RELN: variants seen among roughly 807,000 people sequenced by gnomAD.
The protein encoded by RELN is reelin.
RELN carries 108 observed loss-of-function variants against 427.6 expected under a neutral mutation model. The observed-to-expected ratio is 0.25, with a 90% CI of 0.22 to 0.30. The LOEUF (loss-of-function observed/expected upper bound fraction) is 0.30, where lower values mean the gene tolerates loss of function less well. Ranked by LOEUF, RELN falls within the 10% of genes least tolerant of loss-of-function variation. RELN has a pLI of 1.00. For missense variants in RELN, 3,715 were observed against 4,302.8 expected (o/e 0.86, Z 3.82); for synonymous variants, 1,524 against 1,513.4 (o/e 1.01, Z -0.16).
chr7:103,622,005 G>C (rs1367156745), intron 20 of RELN, among the ~76,000 whole-genome samples: 1 of 152,136 alleles, frequency 6.6e-6, no homozygotes, highest in Non-Finnish European at 1.5e-5. Flanking sequence ...AACAGTGTGA[G>C]ACTCTGTCTC....
chr7:103,541,090 T>G (rs1830168980), intron 43 of RELN, among the ~76,000 whole-genome samples: 1 of 152,000 alleles, frequency 6.6e-6, no homozygotes, highest in Non-Finnish European at 1.5e-5. Context: ...GGGGTGGTGG[T>G]GGTGGTGGCT....
At chr7:103,801,744 A>T (rs1261303165) in intron 3 of RELN, among the ~76,000 whole-genome samples, 1 of 151,756 alleles carries the variant, frequency 6.6e-6, no homozygotes, top group Non-Finnish European at 1.5e-5. Context: ...AAAAAGTGAC[A>T]ACCTCTCTGT....
intron 3 of RELN, among the ~76,000 whole-genome samples, chr7:103,799,739 C>T (rs1027093269): frequency 6.6e-6 from 1 of 152,104 alleles, no homozygotes; most frequent in Admixed American, 6.6e-5. Flanking sequence ...TATAATTAAG[C>T]GTTCTATTTG....
chr7:103,619,363 C>A (rs1028097474), intron 20 of RELN, among the ~76,000 whole-genome samples: 1 of 152,128 alleles, frequency 6.6e-6, no homozygotes, highest in African/African-American at 2.4e-5. Flanking sequence ...ACGGGAGATT[C>A]TTTCAGAAGC....
intron 2 of RELN, among the ~76,000 whole-genome samples, chr7:103,907,353 T>G (rs1260293372): frequency 1.6e-5 from 2 of 122,958 alleles, no homozygotes; most frequent in Admixed American, 1.1e-4. Flanking sequence ...GAGGTGGAGG[T>G]TGCAATAAGT....
In RELN at chr7:103,472,414, C is replaced by G; in HGVS notation, c.*398G>C. 3.9e-6 allele frequency: 1 copy of G among 256,326 alleles called. No homozygotes were observed. The highest frequency in any genetic ancestry group is 1.5e-3 in the Middle Eastern group (1 of 658). The allele number at this position is 256,326 out of a possible 1,614,324, so 15.9% of individuals were successfully genotyped here. On this transcript the variant is annotated 3_prime_UTR_variant, in exon 65 of 65. Transcript: ENST00000428762. ...TAATCATATAAAACATGAGACATAG[C>G]CGAAATACAGTCCACTTAAATAGCT...
chr7:103,606,075 T>A (rs1359581483), intron 22 of RELN, among the ~76,000 whole-genome samples: 1 of 152,202 alleles, frequency 6.6e-6, no homozygotes, highest in African/African-American at 2.4e-5. Flanking sequence ...ATGCATTATC[T>A]TAGAGCAGAG....
intron 20 of RELN, among the ~76,000 whole-genome samples, chr7:103,621,923 C>T (rs531020480): frequency 2.0e-5 from 3 of 151,960 alleles, no homozygotes; most frequent in South Asian, 4.1e-4. Context: ...GGCTGAGGCA[C>T]GAGAATCACT....
intron 7 of RELN, among the ~76,000 whole-genome samples, chr7:103,724,554 G>C (rs1790158049): frequency 6.6e-6 from 1 of 152,186 alleles, no homozygotes. Flanking sequence ...TGTAATAAAT[G>C]ATGCTTGTGT....
intron 2 of RELN, among the ~76,000 whole-genome samples, chr7:103,883,120 G>C (rs764164446): frequency 6.6e-6 from 1 of 152,060 alleles, no homozygotes; most frequent in Non-Finnish European, 1.5e-5. Flanking sequence ...TGGGACGCAG[G>C]GCTGGTTCAA....
At chr7:103,938,776 T>A (rs1206003625) in intron 1 of RELN, among the ~76,000 whole-genome samples, 2 of 152,290 alleles carry the variant, frequency 1.3e-5, no homozygotes, top group East Asian at 3.9e-4. Context: ...CAATTAAGAC[T>A]CAAATGTCAC....
intron 57 of RELN, among the ~76,000 whole-genome samples, chr7:103,492,398 GTTACTA>G (rs1828703467): frequency 6.6e-6 from 1 of 151,990 alleles, no homozygotes; most frequent in Non-Finnish European, 1.5e-5. Context: ...TTTCTTGATT[GTTACTA>G]TTAAATTTTT....
intron 1 of RELN, among the ~76,000 whole-genome samples, chr7:103,958,046 C>T (rs1034801589): frequency 6.6e-6 from 1 of 152,160 alleles, no homozygotes; most frequent in Non-Finnish European, 1.5e-5. Context: ...CTTTACACTA[C>T]CTGCACCTCA....
chr7:103,762,915 T>C (rs1163145668), intron 4 of RELN, among the ~76,000 whole-genome samples: 1 of 151,920 alleles, frequency 6.6e-6, no homozygotes, highest in African/African-American at 2.4e-5. Flanking sequence ...GGTAGAAAAA[T>C]AATACATGCC....
At chr7:103,901,752 T>C (rs1795089372) in intron 2 of RELN, among the ~76,000 whole-genome samples, 1 of 152,006 alleles carries the variant, frequency 6.6e-6, no homozygotes, top group Non-Finnish European at 1.5e-5. Context: ...GGTGGTAGAA[T>C]TTGGGACTGA....
chr7:103,825,416 C>A (rs1443997850), intron 3 of RELN, among the ~76,000 whole-genome samples: 1 of 152,036 alleles, frequency 6.6e-6, no homozygotes, highest in East Asian at 1.9e-4. Flanking sequence ...AAATAAAAAA[C>A]CATAGAAACT....
chr7:103,825,911 A>G (rs1465004004), intron 3 of RELN, among the ~76,000 whole-genome samples: 8 of 151,992 alleles, frequency 5.3e-5, no homozygotes, highest in Admixed American at 5.2e-4. Context: ...TATGGTTTAA[A>G]TGTGTACCTC....
intron 47 of RELN, 144 bp from the exon 48 acceptor site, chr7:103,522,343 G>T: frequency 1.3e-6 from 1 of 762,268 alleles, no homozygotes; most frequent in Non-Finnish European, 2.2e-6. Context: ...GAATACACCT[G>T]CTCTCCTTAA....
At chr7:103,693,256 A>C (rs1180577452) in intron 10 of RELN, among the ~76,000 whole-genome samples, 1 of 151,358 alleles carries the variant, frequency 6.6e-6, no homozygotes, top group African/African-American at 2.4e-5. Context: ...AGAAAACCAA[A>C]CACCACATGT....
Sources: allele counts gnomAD v4.1 joint callset (sites outside exome capture counted in the v4.1 genomes callset), GRCh38; gene constraint gnomAD v4.1.1; transcripts MANE v1.5; gene names NCBI Gene and HGNC (gene_info 2026-07-23, HGNC 2026-07-21).